Variants in RBFOX1 observed in about 807,000 individuals in gnomAD.
The protein encoded by RBFOX1 is RNA binding fox-1 homolog 1.
A neutral mutation model predicts 57.7 loss-of-function variants in RBFOX1; 8 were observed. The observed-to-expected ratio is 0.14, with a 90% confidence interval of 0.08 to 0.25. The LOEUF is 0.25. Among genes scored for constraint, RBFOX1 ranks in the 10% least tolerant of loss-of-function variants. The pLI, the probability that RBFOX1 is intolerant of heterozygous loss-of-function variation, is 1.00. For missense variants in RBFOX1, 611 were observed against 548.5 expected (o/e 1.11, Z -1.14); for synonymous variants, 326 against 222.4 (o/e 1.47, Z -4.15).
At chr16:5,573,214 A>T (rs1469023345) in intron 2 of RBFOX1, among the ~76,000 whole-genome samples, 2 of 152,140 alleles carry the variant, frequency 1.3e-5, no homozygotes, top group Non-Finnish European at 2.9e-5. Flanking sequence ...TCCAGGCATC[A>T]GGTGTGAGCA....
At chr16:7,091,579 A>T (rs1037879226) in intron 4 of RBFOX1, among the ~76,000 whole-genome samples, 1 of 151,928 alleles carries the variant, frequency 6.6e-6, no homozygotes, top group African/African-American at 2.4e-5. Flanking sequence ...CAGGATCCTG[A>T]GAGTCCTCTA....
intron 2 of RBFOX1, among the ~76,000 whole-genome samples, chr16:5,521,506 C>T (rs2044013477): frequency 9.1e-6 from 1 of 110,266 alleles, no homozygotes; most frequent in African/African-American, 3.3e-5. Flanking sequence ...CCGAACCTGT[C>T]AACGAACCTA....
intron 5 of RBFOX1, among the ~76,000 whole-genome samples, chr16:7,527,981 AAATG>A (rs1402543374): frequency 1.2e-4 from 19 of 152,226 alleles, no homozygotes; most frequent in Admixed American, 1.2e-3. Context: ...ATTTATAGAC[AAATG>A]GTTTTCAATC....
At chr16:5,814,579 C>T (rs553611653) in intron 3 of RBFOX1, among the ~76,000 whole-genome samples, 3 of 152,294 alleles carry the variant, frequency 2.0e-5, no homozygotes, top group South Asian at 4.1e-4. Context: ...AAGTAGTCAG[C>T]GGTAGAGAGC....
rs142947553 is a variant in RBFOX1 at position 6,982,867 on chromosome 16, C to G, written c.-15-69190C>G. Among the ~76,000 whole-genome samples, 1,384 of 151,874 alleles carry G rather than the reference C, an allele frequency of 9.1e-3. 28 individuals are homozygous for G. The highest frequency in any genetic ancestry group is 0.032 in the African/African-American group (1,317 of 41,430). ...AATTAGCTGGGCATGGTGGCGGATG[C>G]CTGTAATCCAAGATACTTGGGAGGC... On this transcript the variant is annotated intron_variant, in intron 3 of 15. Coordinates refer to ENST00000550418, the MANE Select transcript of RBFOX1 (RefSeq NM_018723.4).
intron 4 of RBFOX1, among the ~76,000 whole-genome samples, chr16:7,131,252 A>G (rs1000666601): frequency 1.3e-5 from 2 of 150,514 alleles, no homozygotes; most frequent in African/African-American, 4.9e-5. Context: ...AGGCTGAGGC[A>G]GGAGAATTGC....
At chr16:5,809,578 T>C (rs911049070) in intron 3 of RBFOX1, among the ~76,000 whole-genome samples, 1 of 152,118 alleles carries the variant, frequency 6.6e-6, no homozygotes, top group African/African-American at 2.4e-5. Context: ...GAAAAAATGC[T>C]CACCATCACG....
chr16:5,998,284 T>C (rs114025293), intron 4 of RBFOX1, among the ~76,000 whole-genome samples: 1,643 of 152,360 alleles, frequency 0.011, 29 homozygotes, highest in African/African-American at 0.036. Context: ...TCTGATATTC[T>C]CAACAGCTGG....
chr16:6,674,005 C>G (rs2098784737), intron 3 of RBFOX1, among the ~76,000 whole-genome samples: 1 of 152,150 alleles, frequency 6.6e-6, no homozygotes, highest in African/African-American at 2.4e-5. Context: ...GGAGGAATTA[C>G]TTCTTTTAGA....
intron 4 of RBFOX1, among the ~76,000 whole-genome samples, chr16:7,284,908 C>G (rs1186926268): frequency 3.3e-5 from 5 of 152,044 alleles, no homozygotes; most frequent in South Asian, 2.1e-4. Context: ...CACACTCTTT[C>G]TTACATCCTT....
At chr16:7,328,374 G>A (rs1163665803) in intron 4 of RBFOX1, among the ~76,000 whole-genome samples, 1 of 151,258 alleles carries the variant, frequency 6.6e-6, no homozygotes, top group African/African-American at 2.4e-5. Context: ...CAGCTACTCG[G>A]CAGGCTGAAG....
intron 1 of RBFOX1, among the ~76,000 whole-genome samples, chr16:6,108,612 T>G (rs1389487228): frequency 6.6e-6 from 1 of 152,196 alleles, no homozygotes; most frequent in Non-Finnish European, 1.5e-5. Context: ...TGTCACACAG[T>G]TGGTGGCTTA....
chr16:5,621,261 G>C (rs2048193689), intron 3 of RBFOX1, among the ~76,000 whole-genome samples: 1 of 152,188 alleles, frequency 6.6e-6, no homozygotes, highest in African/African-American at 2.4e-5. Flanking sequence ...ACAGGCATGA[G>C]CCACCATGCC....
chr16:6,161,820 TC>T (rs2096881530), intron 1 of RBFOX1, among the ~76,000 whole-genome samples: 1 of 152,208 alleles, frequency 6.6e-6, no homozygotes, highest in South Asian at 2.1e-4. Flanking sequence ...CAGATACTTT[TC>T]TTTTGTGAAG....
chr16:6,049,418 A>G (rs72772819), intron 1 of RBFOX1, among the ~76,000 whole-genome samples: 14,125 of 152,224 alleles, frequency 0.093, 868 homozygotes, highest in East Asian at 0.26. Context: ...CACCCAGATT[A>G]AATAATTATC....
chr16:7,176,207 A>G (rs530702875), intron 4 of RBFOX1, among the ~76,000 whole-genome samples: 3 of 108,964 alleles, frequency 2.8e-5, no homozygotes, highest in South Asian at 6.8e-4. Flanking sequence ...TGAAACTGTA[A>G]AATGAGATTA....
At chr16:6,763,829 T>C (rs2154200811) in intron 3 of RBFOX1, among the ~76,000 whole-genome samples, 1 of 152,352 alleles carries the variant, frequency 6.6e-6, no homozygotes, top group East Asian at 1.9e-4. Context: ...TCTTTTGTTG[T>C]AACTTTTGAA....
chr16:5,986,256 G>A (rs2060284069), intron 4 of RBFOX1, among the ~76,000 whole-genome samples: 1 of 152,046 alleles, frequency 6.6e-6, no homozygotes, highest in South Asian at 2.1e-4. Context: ...TAGAGATGGG[G>A]TTTCACCAAG....
chr16:6,782,903 C>G (rs545124694), intron 3 of RBFOX1, among the ~76,000 whole-genome samples: 2 of 152,126 alleles, frequency 1.3e-5, no homozygotes, highest in South Asian at 4.2e-4. Flanking sequence ...CTTTATATAT[C>G]TGAGTGATCC....
Sources: allele counts gnomAD v4.1 joint callset (sites outside exome capture counted in the v4.1 genomes callset), GRCh38; gene constraint gnomAD v4.1.1; transcripts MANE v1.5; gene names NCBI Gene and HGNC (gene_info 2026-07-23, HGNC 2026-07-21).